NELL1: variants seen among roughly 807,000 people sequenced by gnomAD.
NELL1 encodes the protein protein kinase C-binding protein NELL1.
NELL1 carries 76 observed loss-of-function variants against 107.4 expected under a neutral mutation model. The ratio of observed to expected loss-of-function variants is 0.71; its 90% CI spans 0.59 to 0.86. The LOEUF is 0.86. Among genes scored for constraint, NELL1 ranks in the 40% least tolerant of loss-of-function variants. NELL1 has a pLI of 0.00. For synonymous variants in NELL1, 353 were observed against 341.2 expected, an observed-to-expected ratio of 1.03 and a Z score of -0.38; for missense variants, 1,024 against 1,005.5, an observed-to-expected ratio of 1.02 and a Z score of -0.25.
intron 12 of NELL1, among the ~76,000 whole-genome samples, chr11:21,069,247 G>A (rs998236554): frequency 2.6e-5 from 4 of 152,142 alleles, no homozygotes; most frequent in Non-Finnish European, 5.9e-5. Flanking sequence ...ATGTAACAAA[G>A]CTGCACGTCC....
intron 12 of NELL1, among the ~76,000 whole-genome samples, chr11:20,964,149 G>A (rs535485696): frequency 2.6e-5 from 4 of 152,250 alleles, no homozygotes; most frequent in African/African-American, 9.6e-5. Context: ...TAATGTTTTA[G>A]GAATCTTGTC....
intron 13 of NELL1, among the ~76,000 whole-genome samples, chr11:21,213,589 G>A (rs1012640660): frequency 1.3e-5 from 2 of 152,022 alleles, no homozygotes; most frequent in Non-Finnish European, 2.9e-5. Context: ...GAATATTAAG[G>A]ATTTCTTTAT....
intron 11 of NELL1, among the ~76,000 whole-genome samples, chr11:20,957,305 A>G (rs1328523233): frequency 6.6e-6 from 1 of 152,254 alleles, no homozygotes; most frequent in Non-Finnish European, 1.5e-5. Flanking sequence ...CTAAAAGCTT[A>G]GGGCTAGACT....
intron 5 of NELL1, among the ~76,000 whole-genome samples, chr11:20,890,238 A>G (rs576747696): frequency 5.9e-5 from 9 of 152,238 alleles, no homozygotes; most frequent in African/African-American, 2.2e-4. Context: ...GTGAATCCCC[A>G]GCAAACTGCA....
At chr11:21,195,876 C>T (rs528960038) in intron 13 of NELL1, among the ~76,000 whole-genome samples, 36 of 152,194 alleles carry the variant, frequency 2.4e-4, no homozygotes, top group East Asian at 5.8e-4. Context: ...CCTCAACAAG[C>T]TCACAGTTTA....
chr11:21,058,758 C>A (rs1005855572), intron 12 of NELL1, among the ~76,000 whole-genome samples: 18 of 152,104 alleles, frequency 1.2e-4, no homozygotes, highest in African/African-American at 4.3e-4. Flanking sequence ...CTTTAGCACT[C>A]TAGAATATCT....
At chr11:21,472,465 G>A (rs1854208136) in intron 15 of NELL1, among the ~76,000 whole-genome samples, 1 of 151,814 alleles carries the variant, frequency 6.6e-6, no homozygotes, top group Non-Finnish European at 1.5e-5. Flanking sequence ...TCACTCCCTG[G>A]CCTTTACCCG....
intron 12 of NELL1, among the ~76,000 whole-genome samples, chr11:20,971,086 C>T (rs1328103029): frequency 6.6e-6 from 1 of 152,124 alleles, no homozygotes; most frequent in Non-Finnish European, 1.5e-5. Flanking sequence ...TGTCTTCCCT[C>T]TGATAACTCA....
chr11:21,304,392 T>C (rs1417577583), intron 14 of NELL1, among the ~76,000 whole-genome samples: 3 of 152,032 alleles, frequency 2.0e-5, no homozygotes, highest in Non-Finnish European at 2.9e-5. Context: ...GCTTGAACCC[T>C]GGTCCCTTTG....
At chr11:20,880,280 C>T (rs1459429605) in intron 4 of NELL1, among the ~76,000 whole-genome samples, 1 of 152,168 alleles carries the variant, frequency 6.6e-6, no homozygotes, top group East Asian at 1.9e-4. Context: ...GTGAGAGCTA[C>T]AGCAAGTAGG....
chr11:21,082,207 C>T (rs1039775836), intron 12 of NELL1, among the ~76,000 whole-genome samples: 1 of 152,148 alleles, frequency 6.6e-6, no homozygotes, highest in Non-Finnish European at 1.5e-5. Flanking sequence ...GGGCTGCATC[C>T]TGAACTCCTA....
chr11:20,674,680 G>T, intron 1 of NELL1: 1 of 693,040 alleles, frequency 1.4e-6, no homozygotes, highest in Non-Finnish European at 2.5e-6. Context: ...GACTGAAACT[G>T]GATCTCAGTT....
intron 2 of NELL1, among the ~76,000 whole-genome samples, chr11:20,713,721 C>G (rs1255421765): frequency 1.3e-5 from 2 of 152,156 alleles, no homozygotes; most frequent in Non-Finnish European, 2.9e-5. Context: ...CATTTGGAAG[C>G]TTGGTTCACC....
At chr11:21,436,840 T>C (rs920506126) in intron 15 of NELL1, among the ~76,000 whole-genome samples, 2 of 151,868 alleles carry the variant, frequency 1.3e-5, no homozygotes, top group African/African-American at 2.4e-5. Context: ...ATTTCAAGAA[T>C]TTTTTTTGCT....
chr11:21,533,256 T>C (rs1856040622), intron 15 of NELL1, among the ~76,000 whole-genome samples: 1 of 152,148 alleles, frequency 6.6e-6, no homozygotes, highest in Admixed American at 6.6e-5. Flanking sequence ...GTGCACAACA[T>C]GGGACTTGTC....
chr11:21,369,665 C>A (rs1371749467), intron 14 of NELL1, among the ~76,000 whole-genome samples: 1 of 151,930 alleles, frequency 6.6e-6, no homozygotes, highest in Non-Finnish European at 1.5e-5. Flanking sequence ...TGACATTTTT[C>A]TAGGGTGACT....
chr11:20,852,986 G>A (rs922275280), intron 4 of NELL1, among the ~76,000 whole-genome samples: 1 of 152,212 alleles, frequency 6.6e-6, no homozygotes, highest in Non-Finnish European at 1.5e-5. Context: ...AGTAGGGGAA[G>A]CTCCTGGGGG....
intron 13 of NELL1, among the ~76,000 whole-genome samples, chr11:21,211,748 A>G (rs1857501784): frequency 6.6e-6 from 1 of 152,168 alleles, no homozygotes; most frequent in African/African-American, 2.4e-5. Context: ...TGGATTGATT[A>G]CAAGAGATTA....
chr11:21,237,419 T>C (rs1858237290), intron 14 of NELL1, among the ~76,000 whole-genome samples: 1 of 152,122 alleles, frequency 6.6e-6, no homozygotes, highest in Admixed American at 6.6e-5. Flanking sequence ...TTTTCAAGTA[T>C]CCCTTTTCCA....
Sources: gnomAD v4.1 joint callset for allele counts (sites outside exome capture counted in the v4.1 genomes callset) on GRCh38, gnomAD v4.1.1 for gene constraint, MANE v1.5 for transcripts, NCBI Gene and HGNC (gene_info 2026-07-23, HGNC 2026-07-21) for gene names.